The following SOX13 variants were observed in gnomAD, a reference collection of about 807,000 sequenced individuals.
The protein encoded by SOX13 is SRY-box transcription factor 13, also known as transcription factor SOX-13.
Under a neutral mutation model 71.8 loss-of-function variants are expected in SOX13, and 28 were observed. The ratio of observed to expected loss-of-function variants is 0.39; its 90% CI spans 0.29 to 0.53. The LOEUF is 0.53. Ranked by LOEUF, SOX13 falls within the 20% of genes least tolerant of loss-of-function variation. The pLI is 0.70. For missense variants in SOX13, 627 were observed against 810.3 expected (o/e 0.77, Z 2.75); for synonymous variants, 309 against 317.8 (o/e 0.97, Z 0.29).
chr1:204,121,126 C>A (rs1412467810), intron 7 of SOX13, among the ~76,000 whole-genome samples: 1 of 151,924 alleles, frequency 6.6e-6, no homozygotes, highest in African/African-American at 2.4e-5. Context: ...ATTACAGGCG[C>A]GTGCCACCGC....
chr1:204,107,874 T>C (rs186633779), intron 1 of SOX13, among the ~76,000 whole-genome samples: 195 of 152,316 alleles, frequency 1.3e-3, no homozygotes, highest in East Asian at 4.4e-3. Flanking sequence ...GGCAGGGTTA[T>C]CTGGTGGGCA....
In SOX13 at chr1:204,116,120, C is replaced by T. The variant is rs140076064; in HGVS notation, c.419-387C>T. The T allele has an allele frequency of 1.6e-4, 190 of 1,186,370 alleles. No individual in the cohort carries two copies. The African/African-American group carries it at 2.4e-3, about 15-fold the overall frequency. The allele number at this position is 1,186,370 out of a possible 1,614,324, so 73.5% of individuals were successfully genotyped here. On this transcript the variant is annotated intron_variant, in intron 4 of 13. Coordinates refer to ENST00000367204, the MANE Select transcript of SOX13 (RefSeq NM_005686.3). ...GTTGAAATGGGAATTTGACCCCAGA[C>T]CTGTCTTGCTTCAAAGCCTGAGTGT...
At chr1:204,082,437 C>T (rs1655928602) in intron 1 of SOX13, among the ~76,000 whole-genome samples, 2 of 152,080 alleles carry the variant, frequency 1.3e-5, no homozygotes, top group Non-Finnish European at 1.5e-5. Flanking sequence ...GAACAGCCAG[C>T]TTCTGGTGCC....
At chr1:204,125,180 A>G (rs1300290029) in intron 13 of SOX13, among the ~76,000 whole-genome samples, 1 of 152,188 alleles carries the variant, frequency 6.6e-6, no homozygotes, top group African/African-American at 2.4e-5. Context: ...CTAGAAATCA[A>G]AGTATTCATC....
intron 1 of SOX13, among the ~76,000 whole-genome samples, chr1:204,085,945 G>A (rs1429013853): frequency 6.6e-6 from 1 of 151,356 alleles, no homozygotes; most frequent in African/African-American, 2.4e-5. Flanking sequence ...CTTCAGCCTG[G>A]GCAACAAAGC....
chr1:204,082,238 TGTG>T (rs1655924415), intron 1 of SOX13, among the ~76,000 whole-genome samples: 1 of 148,140 alleles, frequency 6.8e-6, no homozygotes, highest in South Asian at 2.1e-4. Flanking sequence ...GAGGGCCAGG[TGTG>T]GTGTGTGTGT....
chr1:204,080,060 T>G (rs885332), intron 1 of SOX13, among the ~76,000 whole-genome samples: 135,925 of 152,076 alleles, frequency 0.89, 61,064 homozygotes, highest in African/African-American at 0.97. Flanking sequence ...GGAGCGGAAT[T>G]TGTGTGGCAT....
intron 1 of SOX13, among the ~76,000 whole-genome samples, chr1:204,090,040 G>A (rs1656109759): frequency 6.6e-6 from 1 of 152,232 alleles, no homozygotes; most frequent in Non-Finnish European, 1.5e-5. Context: ...CTGCCTTATG[G>A]CTGGGCCTCT....
chr1:204,114,274 G>C, intron 2 of SOX13, 47 bp from the exon 3 acceptor site: 1 of 1,326,962 alleles, frequency 7.5e-7, no homozygotes, highest in Non-Finnish European at 1.1e-6. Context: ...CCTGCAGCCT[G>C]TCCCCTTCTC....
intron 1 of SOX13, among the ~76,000 whole-genome samples, chr1:204,093,353 C>T (rs1057113654): frequency 1.2e-4 from 18 of 152,208 alleles, no homozygotes; most frequent in African/African-American, 4.3e-4. Context: ...ATGGAATTTA[C>T]ATATAGTTTT....
rs555553877 is a variant in SOX13 at position 204,078,763 on chromosome 1, C to G, written c.-2+5052C>G. The stretch of plus-strand genomic sequence containing the variant: ...TGGTCTTTGCCTCGGTGACTACCCC[C>G]CTTTTGACTGGCCCTTCCTTAGTTC... On this transcript the variant is annotated intron_variant, in intron 1 of 13. Transcript: ENST00000367204. Among the ~76,000 whole-genome samples the G allele has an allele frequency of 2.3e-3, 352 of 152,338 alleles. 4 individuals are homozygous for G. Among genetic ancestry groups the G allele is most frequent in the African/African-American group, 8.1e-3 (336 of 41,574 alleles).
intron 6 of SOX13, 135 bp downstream of exon 6, chr1:204,117,325 G>A: frequency 1.3e-6 from 1 of 794,508 alleles, no homozygotes; most frequent in Non-Finnish European, 2.2e-6. Flanking sequence ...GACCTGAGGA[G>A]GGTTATTTCT....
chr1:204,094,530 G>A (rs1656212457), intron 1 of SOX13, among the ~76,000 whole-genome samples: 1 of 152,200 alleles, frequency 6.6e-6, no homozygotes, highest in African/African-American at 2.4e-5. Context: ...GGGAAGCACT[G>A]CAGGGAGCTC....
chr1:204,107,658 G>GGGGAGA (rs1656495365), intron 1 of SOX13, among the ~76,000 whole-genome samples: 1 of 152,052 alleles, frequency 6.6e-6, no homozygotes, highest in Admixed American at 6.5e-5. Context: ...GCTTGGGGAG[G>GGGGAGA]GGGAGAGGGA....
chr1:204,112,886 C>T (rs1254353055), intron 1 of SOX13, 29 bp from the exon 2 acceptor site: 5 of 1,584,632 alleles, frequency 3.2e-6, no homozygotes, highest in African/African-American at 2.7e-5. Context: ...ACTGGGGACT[C>T]ACCTCAGCTC....
chr1:204,119,563 G>A (rs911881268), intron 7 of SOX13: 4 of 152,196 alleles, frequency 2.6e-5, no homozygotes, highest in African/African-American at 4.8e-5. Context: ...ATTGGGGTGG[G>A]GGAGGCACAT....
At chr1:204,075,589 G>T (rs1260903568) in intron 1 of SOX13, among the ~76,000 whole-genome samples, 1 of 152,168 alleles carries the variant, frequency 6.6e-6, no homozygotes, top group Non-Finnish European at 1.5e-5. Flanking sequence ...GGTTTGGAAG[G>T]CATGATCTCC....
At chr1:204,116,387 C>T (rs761745377) in intron 4 of SOX13, 120 bp from the exon 5 acceptor site, 17 of 1,590,982 alleles carry the variant, frequency 1.1e-5, no homozygotes, top group Non-Finnish European at 1.4e-5. Context: ...GGCTCAGCCC[C>T]TAATGGTCCT....
In SOX13 at chr1:204,121,931, C is replaced by T; in HGVS notation, c.807C>T (p.Pro269=). The T allele has an allele frequency of 6.2e-7, 1 of 1,613,066 alleles. No homozygotes were observed. The highest frequency in any genetic ancestry group is 8.5e-7 in the Non-Finnish European group (1 of 1,179,178). Residue 269 remains proline (P), a synonymous_variant, in exon 8 of 14, where the codon CCC becomes CCT. Transcript: ENST00000367204. ...VEYPLQLLHS[P]PAPVVKRPGA... ...ATCCGCTGCAGCTGCTGCACAGCCC[C>T]CCTGCCCCAGTGGTGAAGAGGCCTG... is the stretch of plus-strand genomic sequence containing the variant.
Sources: gnomAD v4.1 joint callset for allele counts (sites outside exome capture counted in the v4.1 genomes callset) on GRCh38, gnomAD v4.1.1 for gene constraint, MANE v1.5 for transcripts, NCBI Gene and HGNC (gene_info 2026-07-23, HGNC 2026-07-21) for gene names.